The following SORCS1 variants were observed in gnomAD, a reference collection of about 807,000 sequenced individuals.
SORCS1 encodes the protein VPS10 domain-containing receptor SorCS1.
SORCS1 carries 60 observed loss-of-function variants against 146.1 expected under a neutral mutation model. The ratio of observed to expected loss-of-function variants is 0.41; its 90% confidence interval spans 0.33 to 0.51. SORCS1 has a LOEUF of 0.51. Among genes scored for constraint, SORCS1 ranks in the 20% least tolerant of loss-of-function variants. The pLI, the probability that SORCS1 is intolerant of heterozygous loss-of-function variation, is 0.21. For missense variants in SORCS1, 1,352 were observed against 1,487.6 expected, an observed-to-expected ratio of 0.91 and a Z score of 1.50; for synonymous variants, 637 against 584.0, an observed-to-expected ratio of 1.09 and a Z score of -1.31.
At chr10:106,790,345 A>G (rs1946257161) in intron 3 of SORCS1, among the ~76,000 whole-genome samples, 1 of 152,200 alleles carries the variant, frequency 6.6e-6, no homozygotes, top group Admixed American at 6.5e-5. Context: ...ATTACCAAGG[A>G]AAAAGGCTTT....
intron 6 of SORCS1, among the ~76,000 whole-genome samples, chr10:106,727,017 C>T (rs1240738343): frequency 6.7e-6 from 1 of 150,154 alleles, no homozygotes; most frequent in African/African-American, 2.5e-5. Flanking sequence ...ACCTGGGAGG[C>T]GGAGCTTGCA....
chr10:106,588,878 AAAAAAAAAAAAAG>A (rs1346649565), intron 24 of SORCS1, among the ~76,000 whole-genome samples: 1 of 150,698 alleles, frequency 6.6e-6, no homozygotes, highest in Admixed American at 6.6e-5. Flanking sequence ...AAAAAAAAAA[AAAAAAAAAAAAAG>A]AAGATTCCTA....
At chr10:106,589,991 T>C (rs1363773360) in intron 24 of SORCS1, among the ~76,000 whole-genome samples, 2 of 152,210 alleles carry the variant, frequency 1.3e-5, no homozygotes, top group Non-Finnish European at 2.9e-5. Flanking sequence ...AAGTTTATAA[T>C]ATACTAGCAT....
chr10:106,833,063 G>A (rs1948625936), intron 2 of SORCS1, among the ~76,000 whole-genome samples: 1 of 143,660 alleles, frequency 7.0e-6, no homozygotes. Context: ...AATGTGACAA[G>A]ATGACAATAG....
intron 2 of SORCS1, among the ~76,000 whole-genome samples, chr10:106,891,504 C>CTTTTTTTTTTTGTTTTTTTTTTTTTTTT (rs1951232099): frequency 1.0e-5 from 1 of 97,260 alleles, no homozygotes. Flanking sequence ...AATGGGAATT[C>CTTTTTTTTTTTGTTTTTTTTTTTTTTTT]TTTTTTTTTT....
At chr10:106,588,061 T>A (rs1011242257) in intron 24 of SORCS1, among the ~76,000 whole-genome samples, 119 of 152,226 alleles carry the variant, frequency 7.8e-4, no homozygotes, top group African/African-American at 2.7e-3. Context: ...CACTGGCACA[T>A]GAACAGCATC....
intron 1 of SORCS1, among the ~76,000 whole-genome samples, chr10:107,074,658 A>G (rs1962730891): frequency 6.6e-6 from 1 of 152,166 alleles, no homozygotes; most frequent in African/African-American, 2.4e-5. Flanking sequence ...TTCCATTCCT[A>G]ATAGCAATGA....
At chr10:106,900,023 C>G (rs949702996) in intron 2 of SORCS1, among the ~76,000 whole-genome samples, 6 of 151,978 alleles carry the variant, frequency 3.9e-5, no homozygotes, top group African/African-American at 1.5e-4. Flanking sequence ...AAGGCTATTA[C>G]CTACTCCTCA....
chr10:106,579,096 A>T, intron 25 of SORCS1: 6 of 1,613,888 alleles, frequency 3.7e-6, no homozygotes, highest in Non-Finnish European at 5.1e-6. Flanking sequence ...TTTACCTATG[A>T]GCTGGGATTC....
At chr10:106,742,173 G>A (rs773730214) in intron 5 of SORCS1, among the ~76,000 whole-genome samples, 5 of 152,146 alleles carry the variant, frequency 3.3e-5, no homozygotes, top group Non-Finnish European at 7.4e-5. Flanking sequence ...CCTGGGGTGC[G>A]AAATGGCAAC....
chr10:106,688,144 T>A (rs759920773), intron 10 of SORCS1, 48 bp downstream of exon 10: 3 of 1,585,056 alleles, frequency 1.9e-6, no homozygotes, highest in Non-Finnish European at 2.6e-6. Context: ...AATATCCATT[T>A]CCATCCCTCT....
intron 2 of SORCS1, among the ~76,000 whole-genome samples, chr10:106,886,087 C>G (rs984166571): frequency 1.3e-5 from 2 of 152,060 alleles, no homozygotes; most frequent in African/African-American, 4.8e-5. Context: ...CATGGTGAAA[C>G]CCCATTTCTA....
At chr10:106,730,211 C>T in intron 5 of SORCS1, 97 bp from the exon 6 acceptor site, 1 of 1,118,344 alleles carries the variant, frequency 8.9e-7, no homozygotes, top group Non-Finnish European at 1.4e-6. Flanking sequence ...TTAATATCCA[C>T]AGGCATCTAA....
At chr10:106,774,513 A>AT (rs1860281200) in intron 4 of SORCS1, among the ~76,000 whole-genome samples, 1 of 151,652 alleles carries the variant, frequency 6.6e-6, no homozygotes, top group Admixed American at 6.6e-5. Flanking sequence ...AAAATTTGCA[A>AT]TTTTGTAAAT....
intron 5 of SORCS1, among the ~76,000 whole-genome samples, chr10:106,732,839 G>A (rs1315970456): frequency 4.6e-5 from 7 of 152,118 alleles, no homozygotes; most frequent in Admixed American, 4.6e-4. Flanking sequence ...AAACAGGCAA[G>A]GCCAGGTGCA....
At chr10:107,059,594 C>T (rs917022294) in intron 1 of SORCS1, among the ~76,000 whole-genome samples, 77 of 152,252 alleles carry the variant, frequency 5.1e-4, no homozygotes, top group African/African-American at 1.8e-3. Flanking sequence ...GTCACTGAAA[C>T]GCTGTGGATG....
At chr10:106,806,073 AG>A (rs869171164) in intron 3 of SORCS1, among the ~76,000 whole-genome samples, 3,584 of 144,972 alleles carry the variant, frequency 0.025, 320 homozygotes, top group African/African-American at 0.087. Context: ...AAAAAAAAAA[AG>A]AAATCATGGA....
chr10:106,606,631 CTG>C (rs1212380301), intron 23 of SORCS1, among the ~76,000 whole-genome samples: 1 of 152,176 alleles, frequency 6.6e-6, no homozygotes, highest in Non-Finnish European at 1.5e-5. Flanking sequence ...GTATTCCACA[CTG>C]TAAATAATTT....
chr10:107,110,641 A>T (rs1421266442), intron 1 of SORCS1, among the ~76,000 whole-genome samples: 2 of 104,902 alleles, frequency 1.9e-5, no homozygotes, highest in Admixed American at 2.6e-4. Flanking sequence ...CACCACCACC[A>T]CTGCATTGGG....
Sources: gnomAD v4.1 joint callset for allele counts (sites outside exome capture counted in the v4.1 genomes callset) on GRCh38, gnomAD v4.1.1 for gene constraint, MANE v1.5 for transcripts, NCBI Gene and HGNC (gene_info 2026-07-23, HGNC 2026-07-21) for gene names.